The following SYNPR variants were observed in gnomAD, a reference collection of about 807,000 sequenced individuals.
SYNPR encodes synaptoporin.
A neutral mutation model predicts 32.9 loss-of-function variants in SYNPR; 23 were observed. The ratio of observed to expected loss-of-function variants is 0.70; its 90% CI spans 0.50 to 0.99. The LOEUF is 0.99. SYNPR is among the 50% of genes least tolerant of loss of function. SYNPR has a pLI of 0.00. For missense variants in SYNPR, 318 were observed against 349.3 expected, an observed-to-expected ratio of 0.91 and a Z score of 0.71; for synonymous variants, 146 against 135.9, an observed-to-expected ratio of 1.07 and a Z score of -0.52.
intron 2 of SYNPR, among the ~76,000 whole-genome samples, chr3:63,343,795 A>G (rs1359735192): frequency 1.3e-5 from 2 of 152,232 alleles, no homozygotes; most frequent in Non-Finnish European, 2.9e-5. Flanking sequence ...GCGATTATTC[A>G]AAGTGCTGAG....
chr3:63,203,096 ATATATT>A, the SYNPR span: 1 of 106,812 alleles, frequency 9.4e-6, no homozygotes, highest in East Asian at 3.1e-4. Context: ...ATATATATAT[ATATATT>A]TGCCACGTTT....
chr3:63,590,912 C>T (rs1362700917), intron 4 of SYNPR, among the ~76,000 whole-genome samples: 6 of 142,970 alleles, frequency 4.2e-5, no homozygotes, highest in East Asian at 2.2e-4. Flanking sequence ...ACTTCATGTC[C>T]AAAACACCAA....
At chr3:63,605,309 G>A (rs1700101974) in intron 4 of SYNPR, among the ~76,000 whole-genome samples, 1 of 152,168 alleles carries the variant, frequency 6.6e-6, no homozygotes, top group African/African-American at 2.4e-5. Context: ...AAGGAATTCT[G>A]GGCCAAGGGA....
chr3:63,366,104 C>A (rs1029172637), intron 2 of SYNPR, among the ~76,000 whole-genome samples: 12 of 152,086 alleles, frequency 7.9e-5, no homozygotes, highest in Admixed American at 7.9e-4. Context: ...ATGCTGAATC[C>A]ATTTTATTTT....
intron 2 of SYNPR, among the ~76,000 whole-genome samples, chr3:63,353,258 G>A (rs1473889174): frequency 6.6e-6 from 1 of 152,204 alleles, no homozygotes; most frequent in Non-Finnish European, 1.5e-5. Flanking sequence ...CACAAATAGA[G>A]TGTTACAGGA....
intron 2 of SYNPR, among the ~76,000 whole-genome samples, chr3:63,291,738 G>C (rs2086740864): frequency 6.6e-6 from 1 of 152,090 alleles, no homozygotes; most frequent in Non-Finnish European, 1.5e-5. Flanking sequence ...AATTGATAGT[G>C]GCATTAAACT....
intron 2 of SYNPR, among the ~76,000 whole-genome samples, chr3:63,419,316 T>C (rs1334292693): frequency 3.3e-5 from 5 of 152,128 alleles, no homozygotes; most frequent in East Asian, 1.9e-4. Context: ...AAAACTGAAC[T>C]AGGACCAGAC....
chr3:63,232,055 C>G (rs909447206), intron 1 of SYNPR, among the ~76,000 whole-genome samples: 27 of 152,074 alleles, frequency 1.8e-4, no homozygotes, highest in African/African-American at 6.3e-4. Flanking sequence ...CAGAGCTGGT[C>G]TAATACAGTG....
At chr3:63,597,812 C>CT (rs1156660553) in intron 4 of SYNPR, among the ~76,000 whole-genome samples, 1 of 152,194 alleles carries the variant, frequency 6.6e-6, no homozygotes, top group Non-Finnish European at 1.5e-5. Context: ...ATTATTAACA[C>CT]TTCAAATGAA....
chr3:63,452,204 G>T (rs1700391601), intron 2 of SYNPR: 2 of 617,468 alleles, frequency 3.2e-6, no homozygotes, highest in Non-Finnish European at 5.9e-6. Flanking sequence ...CAGCCACTGG[G>T]TGCCGGGTTA....
At chr3:63,393,891 C>T (rs1204124574) in intron 2 of SYNPR, among the ~76,000 whole-genome samples, 2 of 152,082 alleles carry the variant, frequency 1.3e-5, no homozygotes, top group South Asian at 2.1e-4. Context: ...CTTGCTGCCT[C>T]GTTGTTGGAG....
At chr3:63,317,883 T>G (rs1266521691) in intron 2 of SYNPR, among the ~76,000 whole-genome samples, 1 of 152,090 alleles carries the variant, frequency 6.6e-6, no homozygotes, top group Non-Finnish European at 1.5e-5. Context: ...GGTTCTGTTT[T>G]GATTTGTTTC....
At chr3:63,339,596 G>A (rs192436061) in intron 2 of SYNPR, among the ~76,000 whole-genome samples, 1 of 151,406 alleles carries the variant, frequency 6.6e-6, no homozygotes, top group Non-Finnish European at 1.5e-5. Context: ...TCTAATGAAT[G>A]TATAGGTTCA....
At position 63,358,340 on chromosome 3, in the gene SYNPR, T is replaced by A. The variant is rs958874570; in HGVS notation, c.84+79598T>A. Among the ~76,000 whole-genome samples the A allele has an allele frequency of 3.8e-4, 58 of 152,252 alleles. 1 individual carries two copies. The highest frequency in any genetic ancestry group is 1.2e-3 in the Admixed American group (19 of 15,288). ...TTTGCATTTTCCAGGTTCTAGAGGC[T>A]GCCTGCACTTCTTGGCTCATGGCCC... On this transcript the variant is annotated intron_variant, in intron 2 of 5. Coordinates refer to ENST00000478300, the MANE Select transcript of SYNPR (RefSeq NM_001130003.2).
chr3:63,370,421 TG>T (rs1428306407), intron 2 of SYNPR, among the ~76,000 whole-genome samples: 2 of 152,238 alleles, frequency 1.3e-5, no homozygotes, highest in African/African-American at 4.8e-5. Context: ...AAAAACACAT[TG>T]ACAAGCTGTC....
At chr3:63,405,524 A>G (rs192809070) in intron 2 of SYNPR, among the ~76,000 whole-genome samples, 1 of 152,308 alleles carries the variant, frequency 6.6e-6, no homozygotes, top group African/African-American at 2.4e-5. Context: ...CTACAGACAG[A>G]GATGAGACCC....
intron 1 of SYNPR, among the ~76,000 whole-genome samples, chr3:63,242,187 A>G (rs190886582): frequency 6.6e-6 from 1 of 152,260 alleles, no homozygotes; most frequent in Admixed American, 6.5e-5. Flanking sequence ...ATTTCCAGAA[A>G]TGGAAAGCAA....
intron 1 of SYNPR, among the ~76,000 whole-genome samples, chr3:63,250,407 A>G (rs1381516662): frequency 6.6e-6 from 1 of 152,182 alleles, no homozygotes; most frequent in Non-Finnish European, 1.5e-5. Flanking sequence ...TCCTAACAGG[A>G]CTGAAAAATA....
At chr3:63,263,392 G>A (rs2086455315) in intron 2 of SYNPR, among the ~76,000 whole-genome samples, 1 of 152,148 alleles carries the variant, frequency 6.6e-6, no homozygotes, top group African/African-American at 2.4e-5. Context: ...AGTGCTTACT[G>A]TGTACTGGAA....
Sources: gnomAD v4.1 joint callset for allele counts (sites outside exome capture counted in the v4.1 genomes callset) on GRCh38, gnomAD v4.1.1 for gene constraint, MANE v1.5 for transcripts, NCBI Gene and HGNC (gene_info 2026-07-23, HGNC 2026-07-21) for gene names.